The following ANKS1B variants were observed in gnomAD, a reference collection of about 807,000 sequenced individuals.
The protein encoded by ANKS1B is ankyrin repeat and sterile alpha motif domain-containing protein 1B.
ANKS1B carries 36 observed loss-of-function variants against 148.3 expected under a neutral mutation model. The observed-to-expected ratio is 0.24, with a 90% CI of 0.19 to 0.32. ANKS1B has a LOEUF of 0.32. Among genes scored for constraint, ANKS1B ranks in the 10% least tolerant of loss-of-function variants. The pLI is 1.00. For synonymous variants in ANKS1B, 542 were observed against 560.8 expected (o/e 0.97, Z 0.47); for missense variants, 1,157 against 1,542.6 (o/e 0.75, Z 4.19).
intron 17 of ANKS1B, among the ~76,000 whole-genome samples, chr12:98,925,191 G>T (rs536432023): frequency 6.6e-6 from 1 of 152,276 alleles, no homozygotes; most frequent in Non-Finnish European, 1.5e-5. Flanking sequence ...TGTGTTCATT[G>T]CTTACCTTGA....
At chr12:99,252,087 T>C (rs2074674857) in intron 12 of ANKS1B, among the ~76,000 whole-genome samples, 1 of 152,164 alleles carries the variant, frequency 6.6e-6, no homozygotes, top group South Asian at 2.1e-4. Context: ...TATAAGGCAA[T>C]TAGGAAATGT....
At chr12:99,972,503 G>C (rs551509301) in intron 1 of ANKS1B, among the ~76,000 whole-genome samples, 1 of 152,324 alleles carries the variant, frequency 6.6e-6, no homozygotes, top group African/African-American at 2.4e-5. Flanking sequence ...TTAAGGCAAA[G>C]CCTAATCCAG....
intron 12 of ANKS1B, among the ~76,000 whole-genome samples, chr12:99,370,484 G>C (rs1009993605): frequency 6.6e-6 from 1 of 152,162 alleles, no homozygotes; most frequent in Non-Finnish European, 1.5e-5. Context: ...AGTGGATCCA[G>C]ATGAGTTACT....
At chr12:99,369,849 C>CAGAT (rs35658536) in intron 12 of ANKS1B, among the ~76,000 whole-genome samples, 53,125 of 145,270 alleles carry the variant, frequency 0.37, 9,636 homozygotes, top group South Asian at 0.43. Context: ...CAGACAGAGA[C>CAGAT]AGATAGATAG....
chr12:98,931,258 T>A (rs976136007), intron 17 of ANKS1B, among the ~76,000 whole-genome samples: 1 of 152,122 alleles, frequency 6.6e-6, no homozygotes, highest in Non-Finnish European at 1.5e-5. Flanking sequence ...TCAGGCTATT[T>A]CAAACATAAC....
rs572884717 is a variant in ANKS1B at position 99,188,639 on chromosome 12, G to A, written c.2420-34244C>T. 2.0e-5 allele frequency among the ~76,000 whole-genome samples: 3 copies of A among 152,302 alleles called. No homozygotes were observed. In the South Asian group the frequency reaches 6.2e-4, roughly 32 times the overall value. On this transcript the variant is annotated intron_variant, in intron 14 of 26. Coordinates refer to ENST00000683438, the MANE Select transcript of ANKS1B (RefSeq NM_001352186.2). ...GAAGGCAGAAATAAATAAGTTATTT[G>A]AAACCATTGAGAACAAAGACACAAT...
chr12:99,441,644 C>T (rs1326817409), intron 11 of ANKS1B, among the ~76,000 whole-genome samples: 1 of 152,042 alleles, frequency 6.6e-6, no homozygotes, highest in African/African-American at 2.4e-5. Flanking sequence ...CTAATTTAAA[C>T]ACCATCATCC....
intron 15 of ANKS1B, among the ~76,000 whole-genome samples, chr12:99,098,436 A>G (rs150288656): frequency 6.6e-6 from 1 of 152,106 alleles, no homozygotes; most frequent in East Asian, 1.9e-4. Flanking sequence ...TCCTGGGTTC[A>G]CCTTACAGCT....
At chr12:99,173,200 G>C (rs1190317349) in intron 14 of ANKS1B, among the ~76,000 whole-genome samples, 1 of 152,080 alleles carries the variant, frequency 6.6e-6, no homozygotes, top group Non-Finnish European at 1.5e-5. Flanking sequence ...CTCATGATTA[G>C]AGTAAATACC....
At chr12:99,916,135 G>A (rs946496674) in intron 1 of ANKS1B, among the ~76,000 whole-genome samples, 5 of 152,152 alleles carry the variant, frequency 3.3e-5, no homozygotes, top group African/African-American at 9.7e-5. Context: ...ACAGAAGATC[G>A]ATGTTCCTTT....
chr12:99,770,390 GTATTAGGTGACCTA>G (rs1289266934), intron 8 of ANKS1B, among the ~76,000 whole-genome samples: 2 of 152,082 alleles, frequency 1.3e-5, no homozygotes, highest in Non-Finnish European at 2.9e-5. Flanking sequence ...AGAACCATCT[GTATTAGGTGACCTA>G]TATTAGGTGA....
chr12:99,895,437 G>GTT (rs1431721265), intron 1 of ANKS1B, among the ~76,000 whole-genome samples: 1 of 150,734 alleles, frequency 6.6e-6, no homozygotes, highest in Non-Finnish European at 1.5e-5. Flanking sequence ...GTGTGTGTGT[G>GTT]TGTGTCCTTT....
At chr12:99,365,628 C>T (rs946179977) in intron 12 of ANKS1B, among the ~76,000 whole-genome samples, 3 of 152,146 alleles carry the variant, frequency 2.0e-5, no homozygotes, top group Non-Finnish European at 4.4e-5. Context: ...AAAAACTACA[C>T]TTCCCTGGGC....
At chr12:99,660,357 CTTTTT>C (rs1198952845) in intron 8 of ANKS1B, among the ~76,000 whole-genome samples, 2 of 126,376 alleles carry the variant, frequency 1.6e-5, no homozygotes, top group Non-Finnish European at 3.3e-5. Context: ...CTTTCTTTTT[CTTTTT>C]CTTTTTTTTT....
At chr12:99,562,039 C>T (rs150516135) in intron 9 of ANKS1B, among the ~76,000 whole-genome samples, 2,182 of 152,268 alleles carry the variant, frequency 0.014, 54 homozygotes, top group African/African-American at 0.048. Context: ...ATGCTGTGTT[C>T]GCACACATAA....
chr12:99,066,284 G>A (rs193183931), intron 16 of ANKS1B, among the ~76,000 whole-genome samples: 2 of 152,206 alleles, frequency 1.3e-5, no homozygotes, highest in Admixed American at 1.3e-4. Flanking sequence ...TTGTGCCACT[G>A]CACTCCAGCC....
intron 9 of ANKS1B, among the ~76,000 whole-genome samples, chr12:98,737,523 A>G (rs989045977): frequency 3.3e-4 from 50 of 152,204 alleles, no homozygotes; most frequent in African/African-American, 1.1e-3. Flanking sequence ...AGGACTGTAT[A>G]GAGTCTAACA....
intron 15 of ANKS1B, among the ~76,000 whole-genome samples, chr12:99,149,383 G>A (rs999778467): frequency 2.0e-5 from 3 of 152,084 alleles, no homozygotes; most frequent in African/African-American, 7.2e-5. Flanking sequence ...TGTCTAATAG[G>A]CACTACTCAC....
At chr12:98,987,066 T>C (rs1391904958) in intron 17 of ANKS1B, among the ~76,000 whole-genome samples, 1 of 152,068 alleles carries the variant, frequency 6.6e-6, no homozygotes. Context: ...ATATTTTTTA[T>C]TGAATTCCAG....
Sources: allele counts gnomAD v4.1 joint callset (sites outside exome capture counted in the v4.1 genomes callset), GRCh38; gene constraint gnomAD v4.1.1; transcripts MANE v1.5; gene names NCBI Gene and HGNC (gene_info 2026-07-23, HGNC 2026-07-21).